Variants in DNAJC17 observed in about 807,000 individuals in gnomAD.
The protein encoded by DNAJC17 is dnaJ homolog subfamily C member 17.
Under a neutral mutation model 48.1 loss-of-function variants are expected in DNAJC17, and 35 were observed. The ratio of observed to expected loss-of-function variants is 0.73; its 90% CI spans 0.56 to 0.96. The LOEUF is 0.96. Ranked by LOEUF, DNAJC17 falls within the 50% of genes least tolerant of loss-of-function variation. The pLI, the probability that DNAJC17 is intolerant of heterozygous loss-of-function variation, is 0.00. For synonymous variants in DNAJC17, 117 were observed against 142.7 expected (o/e 0.82, Z 1.28); for missense variants, 355 against 377.1 (o/e 0.94, Z 0.48).
At chr15:40,780,139 T>G (rs1889442980) in intron 1 of DNAJC17, 142 bp from the exon 2 acceptor site, 1 of 817,784 alleles carries the variant, frequency 1.2e-6, no homozygotes, top group East Asian at 2.7e-5. Context: ...CCAGGGAGAC[T>G]GGCAATGGAG....
At chr15:40,801,234 G>A (rs1389501380) in intron 1 of DNAJC17, among the ~76,000 whole-genome samples, 4 of 152,172 alleles carry the variant, frequency 2.6e-5, no homozygotes, top group Non-Finnish European at 5.9e-5. Context: ...GGAGTGCAGA[G>A]GGGATTAAGG....
intron 1 of DNAJC17, among the ~76,000 whole-genome samples, chr15:40,793,951 A>G (rs554661178): frequency 6.6e-6 from 1 of 152,200 alleles, no homozygotes; most frequent in Non-Finnish European, 1.5e-5. Flanking sequence ...ATAACTGCTA[A>G]TAAGTACAAA....
chr15:40,767,343 G>A lies in DNAJC17; in HGVS notation c.*597C>T, dbSNP rs1888973052. On this transcript the variant is annotated 3_prime_UTR_variant, in exon 11 of 11. Transcript: ENST00000220496. ...AGACGCTGGTGTGGTGTCTGCACAA[G>A]GAGTGACCTTCTCATGCTGATTTGC... is the stretch of plus-strand genomic sequence containing the variant. 6.3e-7 allele frequency: 1 copy of A among 1,598,764 alleles called. No homozygotes were observed. Among genetic ancestry groups the A allele is most frequent in the Admixed American group, 1.8e-5 (1 of 57,070 alleles).
intron 1 of DNAJC17, among the ~76,000 whole-genome samples, chr15:40,803,968 G>C (rs993523732): frequency 4.0e-5 from 5 of 126,288 alleles, no homozygotes; most frequent in African/African-American, 6.1e-5. Context: ...CACTAGTGTT[G>C]AATTTTCTTT....
At chr15:40,780,042 G>T (rs568845964) in intron 1 of DNAJC17, 45 bp from the exon 2 acceptor site, 3 of 1,586,612 alleles carry the variant, frequency 1.9e-6, no homozygotes, top group Non-Finnish European at 2.6e-6. Flanking sequence ...TCTCATCCCA[G>T]GGACAAACAG....
chr15:40,773,810 G>A lies in DNAJC17; in HGVS notation c.709C>T (p.Leu237=). The A allele has an allele frequency of 1.9e-6, 3 of 1,614,046 alleles. No homozygotes were observed. In the South Asian group the frequency reaches 3.3e-5, roughly 18 times the overall value. The change falls in exon 10 of 11, where the codon CTG becomes TTG. Residue 237 remains leucine (L), a synonymous_variant. Transcript: ENST00000220496. ...AELAVQNEVG[L]VDNPLKISWL... Reference sequence around the variant, plus strand: ...GAAATCTTCAGAGGGTTATCCACCAGGCCAACTTCATTCTGGACAGCCAGC... The same window carrying A: ...GAAATCTTCAGAGGGTTATCCACCAAGCCAACTTCATTCTGGACAGCCAGC...
chr15:40,776,506 C>A (rs1004639350), intron 5 of DNAJC17, 36 bp downstream of exon 5: 6 of 1,607,158 alleles, frequency 3.7e-6, no homozygotes, highest in Middle Eastern at 1.6e-4. Flanking sequence ...CCTCCTCCTG[C>A]AGGTGGCCTT....
At position 40,807,449 on chromosome 15, in the gene DNAJC17, T is replaced by A; in HGVS notation, c.-3A>T. Reference sequence around the variant, plus strand: ...AAGAGCTCCTTGGTCACTGCCATGGTTCCGGCCTGACGGATTCGTACTACA... The same window carrying A: ...AAGAGCTCCTTGGTCACTGCCATGGATCCGGCCTGACGGATTCGTACTACA... On this transcript the variant is annotated 5_prime_UTR_variant, in exon 1 of 11. Coordinates refer to ENST00000220496, the MANE Select transcript of DNAJC17 (RefSeq NM_018163.3). The A allele has an allele frequency of 3.1e-6, 5 of 1,614,214 alleles. No individual in the cohort carries two copies. Among genetic ancestry groups the A allele is most frequent in the Non-Finnish European group, 4.2e-6 (5 of 1,180,014 alleles).
At position 40,770,845 on chromosome 15, in the gene DNAJC17, C is replaced by T. The variant is rs374302461; in HGVS notation, c.793-2783G>A. 2.2e-5 allele frequency: 34 copies of T among 1,551,370 alleles called. No homozygotes were observed. In the Middle Eastern group the frequency reaches 5.0e-4, roughly 23 times the overall value. On this transcript the variant is annotated intron_variant, in intron 10 of 10. Coordinates refer to ENST00000220496, the MANE Select transcript of DNAJC17 (RefSeq NM_018163.3). The surrounding 1 kb of genome is among the most constrained non-coding windows in gnomAD (Gnocchi z 5.0). ...ACCCTGCCATCGGCGCTCTCTCTGT[C>T]GAGTGCCCTCCACCAGCACTCAGAG...
intron 10 of DNAJC17, among the ~76,000 whole-genome samples, chr15:40,768,942 G>A (rs2141943277): frequency 6.6e-6 from 1 of 152,372 alleles, no homozygotes; most frequent in Non-Finnish European, 1.5e-5. Flanking sequence ...AGAGAGCTGT[G>A]GGGCCCTGAT....
chr15:40,788,500 T>TGG, intron 1 of DNAJC17, among the ~76,000 whole-genome samples: 1 of 152,108 alleles, frequency 6.6e-6, no homozygotes, highest in South Asian at 2.1e-4. Flanking sequence ...ATCGAGACCA[T>TGG]CCTGGCTAAC....
chr15:40,789,902 T>A (rs1359506142), intron 1 of DNAJC17, among the ~76,000 whole-genome samples: 2 of 5,026 alleles, frequency 4.0e-4, no homozygotes, highest in East Asian at 4.1e-3. Flanking sequence ...ACAGACTGTC[T>A]CAAAAAAAAA....
intron 1 of DNAJC17, among the ~76,000 whole-genome samples, chr15:40,804,958 C>T (rs993247843): frequency 2.0e-5 from 3 of 151,396 alleles, no homozygotes; most frequent in African/African-American, 7.3e-5. Flanking sequence ...GCCAAGGTTG[C>T]ACCACTGCAC....
At position 40,796,766 on chromosome 15, in the gene DNAJC17, T is replaced by G. The variant is rs564606067; in HGVS notation, c.78+10603A>C. On this transcript the variant is annotated intron_variant, in intron 1 of 10. Coordinates refer to ENST00000220496, the MANE Select transcript of DNAJC17 (RefSeq NM_018163.3). ...CCTTCTGGGTATATATCAAAAGAAC[T>G]GTTTTTGTTTTTGTGACCCAATCTC... Among the ~76,000 whole-genome samples the G allele has an allele frequency of 5.3e-5, 8 of 152,252 alleles. No homozygotes were observed. The South Asian group carries it at 1.5e-3, about 28-fold the overall frequency.
At chr15:40,797,713 A>ATC (rs1889974070) in intron 1 of DNAJC17, among the ~76,000 whole-genome samples, 1 of 130,478 alleles carries the variant, frequency 7.7e-6, no homozygotes, top group African/African-American at 2.9e-5. Flanking sequence ...CACCTGGCCG[A>ATC]TCTCTTTTTT....
chr15:40,788,289 A>G (rs1260682985), intron 1 of DNAJC17, among the ~76,000 whole-genome samples: 1 of 152,224 alleles, frequency 6.6e-6, no homozygotes, highest in Non-Finnish European at 1.5e-5. Context: ...CTGGCCAGGC[A>G]TGGTGGCTGA....
Position 40,775,583 on chromosome 15 carries a change from A to G in DNAJC17, c.492T>C (p.Asn164=). Residue 164 remains asparagine (N), a synonymous_variant, in exon 7 of 11, where the codon AAT becomes AAC. Coordinates refer to ENST00000220496, the MANE Select transcript of DNAJC17 (RefSeq NM_018163.3). ...RDQRLRGKAE[N]TEGQGTPKLK... ...GTTTGGGGGTTCCTTGGCCTTCAGT[A>G]TTTTCTGCCTTTCCTAGAAATATTG... 1 of 1,613,970 alleles carries G rather than the reference A, an allele frequency of 6.2e-7. No homozygotes were observed. The highest frequency in any genetic ancestry group is 8.5e-7 in the Non-Finnish European group (1 of 1,179,998).
rs373748964 is a variant in DNAJC17 at position 40,779,615 on chromosome 15, G to A, written c.149-12C>T. Reference sequence around the variant, plus strand: ...GTGGAAGAGTTCAGCTAAACATAAGGATCAAAAAGACAGAAGAAAAATAAA... The same window carrying A: ...GTGGAAGAGTTCAGCTAAACATAAGAATCAAAAAGACAGAAGAAAAATAAA... On this transcript the variant is annotated splice_polypyrimidine_tract_variant and intron_variant, in intron 2 of 10. Coordinates refer to ENST00000220496, the MANE Select transcript of DNAJC17 (RefSeq NM_018163.3). The A allele has an allele frequency of 1.2e-6, 2 of 1,613,204 alleles. No homozygotes were observed. The highest frequency in any genetic ancestry group is 8.5e-7 in the Non-Finnish European group (1 of 1,179,750).
chr15:40,805,082 T>C (rs1270306314), intron 1 of DNAJC17, among the ~76,000 whole-genome samples: 1 of 150,260 alleles, frequency 6.7e-6, no homozygotes, highest in African/African-American at 2.4e-5. Flanking sequence ...AAAGTACTAA[T>C]TAAATAATTT....
Sources: allele counts gnomAD v4.1 joint callset (sites outside exome capture counted in the v4.1 genomes callset), GRCh38; gene constraint gnomAD v4.1.1; non-coding constraint Gnocchi (gnomAD v3.1); transcripts MANE v1.5; gene names NCBI Gene and HGNC (gene_info 2026-07-23, HGNC 2026-07-21).